Variants in SCAPER observed in about 807,000 individuals in gnomAD.
SCAPER encodes S phase cyclin A-associated protein in the endoplasmic reticulum.
In SCAPER, 98 loss-of-function variants were observed where a neutral mutation model predicts 182.2. That is an observed-to-expected ratio of 0.54 (90% CI 0.46 to 0.64). The LOEUF is 0.64. Among genes scored for constraint, SCAPER ranks in the 30% least tolerant of loss-of-function variants. The pLI is 0.00. For missense variants in SCAPER, 1,432 were observed against 1,690.0 expected, an observed-to-expected ratio of 0.85 and a Z score of 2.68; for synonymous variants, 605 against 564.6, an observed-to-expected ratio of 1.07 and a Z score of -1.01.
Position 76,434,140 on chromosome 15 carries a change from C to T in SCAPER, c.3249G>A (p.Gln1083=), listed in dbSNP as rs545489948. ...CQPATPKIPT[Q]EMKNKPSQGD... is the part of the protein sequence containing the mutation. ...CTTGTGAGGGTTTGTTTTTCATTTCCTGTGTTGGTATTTTTGGGGTAGCTG... is the reference window on the plus strand; with the variant it reads ...CTTGTGAGGGTTTGTTTTTCATTTCTTGTGTTGGTATTTTTGGGGTAGCTG... Residue 1083 remains glutamine, a synonymous_variant, in exon 26 of 32, where the codon CAG becomes CAA. Coordinates refer to ENST00000563290, the MANE Select transcript of SCAPER (RefSeq NM_020843.4). 5.6e-6 allele frequency: 9 copies of T among 1,613,850 alleles called. No individual in the cohort carries two copies. The African/African-American group carries it at 6.7e-5, about 12-fold the overall frequency.
At chr15:76,740,338 T>A (rs1243162344) in intron 15 of SCAPER, among the ~76,000 whole-genome samples, 1 of 152,110 alleles carries the variant, frequency 6.6e-6, no homozygotes, top group Non-Finnish European at 1.5e-5. Context: ...CAGAAAATAT[T>A]CCAACATAAA....
intron 5 of SCAPER, among the ~76,000 whole-genome samples, chr15:76,835,379 G>A (rs146647871): frequency 6.6e-6 from 1 of 152,088 alleles, no homozygotes; most frequent in Admixed American, 6.5e-5. Flanking sequence ...TGAGATGTAA[G>A]GTTGGTTCAC....
intron 23 of SCAPER, among the ~76,000 whole-genome samples, chr15:76,533,329 T>C (rs900505313): frequency 6.6e-6 from 1 of 152,218 alleles, no homozygotes; most frequent in Non-Finnish European, 1.5e-5. Flanking sequence ...TGTGGTCCCA[T>C]AAAATTATAA....
intron 17 of SCAPER, among the ~76,000 whole-genome samples, chr15:76,711,948 C>A (rs973110748): frequency 6.6e-6 from 1 of 152,254 alleles, no homozygotes; most frequent in Non-Finnish European, 1.5e-5. Flanking sequence ...TTAATTAGAT[C>A]CCATTTGTCA....
chr15:76,884,064 C>T (rs1034153196), intron 1 of SCAPER, among the ~76,000 whole-genome samples, 188 bp from the exon 2 acceptor site: 1 of 152,084 alleles, frequency 6.6e-6, no homozygotes, highest in Admixed American at 6.6e-5. Flanking sequence ...GACCTCAGTG[C>T]TCTCCAAAAA....
chr15:76,774,731 G>C, intron 9 of SCAPER, 124 bp downstream of exon 9: 2 of 976,248 alleles, frequency 2.0e-6, no homozygotes, highest in Non-Finnish European at 1.5e-6. Context: ...CTTTTCTGTA[G>C]GTCTATAGAC....
chr15:76,412,447 T>C (rs72738820), intron 26 of SCAPER, among the ~76,000 whole-genome samples: 35 of 152,244 alleles, frequency 2.3e-4, no homozygotes, highest in Non-Finnish European at 3.8e-4. Flanking sequence ...TTTATGGAAA[T>C]ACTCTATAGT....
intron 17 of SCAPER, among the ~76,000 whole-genome samples, chr15:76,725,950 CA>C (rs34812589): frequency 3.4e-5 from 5 of 145,440 alleles, no homozygotes; most frequent in African/African-American, 1.0e-4. Context: ...TTGAATATGA[CA>C]AAAAAAAAGT....
At chr15:76,525,584 T>C (rs747364182) in intron 23 of SCAPER, among the ~76,000 whole-genome samples, 18 of 152,264 alleles carry the variant, frequency 1.2e-4, no homozygotes, top group Non-Finnish European at 2.2e-4. Flanking sequence ...ATGTGTTCAG[T>C]GCTTAGCTCC....
rs1449811844 is a variant in SCAPER at position 76,601,564 on chromosome 15, A to T, written c.2711+20200T>A. On this transcript the variant is annotated intron_variant, in intron 22 of 31. Transcript: ENST00000563290. The stretch of plus-strand genomic sequence containing the variant: ...TAGGCTACACCATCTGGGTTTGTGT[A>T]TGTATACTCTGATGTTCAAACAATG... 2.5e-5 allele frequency among the ~76,000 whole-genome samples: 3 copies of T among 121,690 alleles called. 1 individual carries two copies. The highest frequency in any genetic ancestry group is 6.0e-5 in the Non-Finnish European group (3 of 50,066). 79.8% of individuals were successfully genotyped at this position (121,690 alleles called of 152,430 possible).
intron 5 of SCAPER, among the ~76,000 whole-genome samples, chr15:76,830,156 A>C (rs1265791498): frequency 1.3e-5 from 2 of 152,104 alleles, no homozygotes; most frequent in African/African-American, 4.8e-5. Flanking sequence ...AAAGGCCAGG[A>C]AACATGCAAG....
At chr15:76,877,859 A>G (rs563294326) in intron 2 of SCAPER, among the ~76,000 whole-genome samples, 2 of 152,374 alleles carry the variant, frequency 1.3e-5, no homozygotes, top group Admixed American at 1.3e-4. Context: ...AATTTTGAAT[A>G]TCTACTGTGT....
At chr15:76,617,824 A>G (rs1455869438) in intron 22 of SCAPER, among the ~76,000 whole-genome samples, 1 of 152,194 alleles carries the variant, frequency 6.6e-6, no homozygotes, top group Non-Finnish European at 1.5e-5. Context: ...TCTTGATAGG[A>G]GAAACAGCAA....
chr15:76,802,670 G>C (rs541963752), intron 6 of SCAPER, among the ~76,000 whole-genome samples: 75 of 152,244 alleles, frequency 4.9e-4, no homozygotes, highest in African/African-American at 1.8e-3. Context: ...TACCCTACTG[G>C]TTCTGACTGC....
At chr15:76,471,528 G>C (rs2050167745) in intron 24 of SCAPER, among the ~76,000 whole-genome samples, 193 bp from the exon 25 acceptor site, 1 of 152,176 alleles carries the variant, frequency 6.6e-6, no homozygotes, top group East Asian at 1.9e-4. Context: ...CCAAAGCCCA[G>C]TGTTCACTGG....
chr15:76,665,700 T>C lies in SCAPER; in HGVS notation c.2598A>G (p.Gln866=). The C allele has an allele frequency of 6.3e-7, 1 of 1,577,576 alleles. No homozygotes were observed. Among genetic ancestry groups the C allele is most frequent in the Non-Finnish European group, 8.6e-7 (1 of 1,161,630 alleles). Reference sequence around the variant, plus strand: ...TCTTTTTGGCTTTTTTTTTATTTTTTTGCCGCTCTTCTCCATCTTTCAAAG... The same window carrying C: ...TCTTTTTGGCTTTTTTTTTATTTTTCTGCCGCTCTTCTCCATCTTTCAAAG... ...AEALKDGEER[Q]KNKKKAKKIK... The change falls in exon 21 of 32, where the codon CAA becomes CAG. Residue 866 remains glutamine (Q), a synonymous_variant. Transcript: ENST00000563290.
chr15:76,771,218 T>C (rs2063452039), intron 10 of SCAPER, among the ~76,000 whole-genome samples: 1 of 152,108 alleles, frequency 6.6e-6, no homozygotes, highest in African/African-American at 2.4e-5. Context: ...AAGGAAGAGA[T>C]GGGTAGAAAT....
chr15:76,532,214 G>C (rs945865700), intron 23 of SCAPER, among the ~76,000 whole-genome samples: 2 of 152,056 alleles, frequency 1.3e-5, no homozygotes, highest in African/African-American at 2.4e-5. Flanking sequence ...AAGAAGCTGA[G>C]GCTTATCATT....
At chr15:76,853,053 T>G (rs1412058927) in intron 4 of SCAPER, among the ~76,000 whole-genome samples, 1 of 152,212 alleles carries the variant, frequency 6.6e-6, no homozygotes. Context: ...TGAACACCTC[T>G]GTGCATACAA....
Sources: allele counts gnomAD v4.1 joint callset (sites outside exome capture counted in the v4.1 genomes callset), GRCh38; gene constraint gnomAD v4.1.1; transcripts MANE v1.5; gene names NCBI Gene and HGNC (gene_info 2026-07-23, HGNC 2026-07-21).